The following DENND3 variants were observed in gnomAD, a reference collection of about 807,000 sequenced individuals.
DENND3 encodes the protein DENN domain-containing protein 3.
A neutral mutation model predicts 135.1 loss-of-function variants in DENND3; 88 were observed. That is an observed-to-expected ratio of 0.65 (90% CI 0.55 to 0.78). DENND3 has a LOEUF of 0.78. DENND3 is among the 30% of genes least tolerant of loss of function. The probability of loss-of-function intolerance (pLI) is 0.00; values close to 1 mark genes in which losing one functional copy is unlikely to be tolerated. For missense variants in DENND3, 1,392 were observed against 1,688.4 expected, an observed-to-expected ratio of 0.82 and a Z score of 3.08; for synonymous variants, 693 against 712.3, an observed-to-expected ratio of 0.97 and a Z score of 0.43.
rs1206401726 is a variant in DENND3, at chr8:141,191,747, G to C, written c.3380-584G>C. 4 of 152,742 alleles carry C rather than the reference G, an allele frequency of 2.6e-5. No homozygotes were observed. In the South Asian group the frequency reaches 8.2e-4, roughly 31 times the overall value. The allele number at this position is 152,742 out of a possible 1,614,324, so 9.5% of individuals were successfully genotyped here. ...CACTGTTCCGCTCACTTTCAGGGCC[G>C]GTAGCGACGTGGTTGGGTGCAAGCC... On this transcript the variant is annotated intron_variant, in intron 20 of 22. Coordinates refer to ENST00000519811, the MANE Select transcript of DENND3 (RefSeq NM_001352890.3).
At chr8:141,156,638 G>C (rs1819473974) in intron 8 of DENND3, among the ~76,000 whole-genome samples, 1 of 152,100 alleles carries the variant, frequency 6.6e-6, no homozygotes, top group Non-Finnish European at 1.5e-5. Context: ...ATTGGGCAGT[G>C]CCTGTGTACT....
At position 141,189,126 on chromosome 8, in the gene DENND3, G is replaced by C. The variant is rs199863590; in HGVS notation, c.3225G>C (p.Gln1075His). 56 of 1,614,236 alleles carry C rather than the reference G, an allele frequency of 3.5e-5. No homozygotes were observed. In the East Asian group the frequency reaches 5.6e-4, roughly 16 times the overall value. Residue 1075 changes from glutamine to histidine, a missense_variant, in exon 19 of 23, where the codon CAG becomes CAC. Coordinates refer to ENST00000519811, the MANE Select transcript of DENND3 (RefSeq NM_001352890.3). The part of the protein sequence containing the change: ...HCSSVTDLIV[Q>H]DGQEAPSNVY... ...CCAGTGTCACGGATTTGATTGTGCA[G>C]GACGGACAGGAGGCACCCAGGTGCA...
chr8:141,159,407 C>T (rs1463079962), intron 8 of DENND3, among the ~76,000 whole-genome samples: 3 of 152,364 alleles, frequency 2.0e-5, no homozygotes, highest in East Asian at 1.9e-4. Context: ...TCAAGTCCCC[C>T]GTCTGTGTCT....
At chr8:141,165,118 CAG>C in intron 10 of DENND3, 66 bp from the exon 11 acceptor site, 1 of 1,238,894 alleles carries the variant, frequency 8.1e-7, no homozygotes, top group Non-Finnish European at 1.2e-6. Context: ...CAGGAAGGCT[CAG>C]GGGCTTTGGA....
At chr8:141,164,681 G>A (rs1820546594) in intron 10 of DENND3, among the ~76,000 whole-genome samples, 1 of 152,210 alleles carries the variant, frequency 6.6e-6, no homozygotes, top group South Asian at 2.1e-4. Flanking sequence ...GGGAGACCCT[G>A]ATGCAGGCTC....
In DENND3 at chr8:141,182,074, G is replaced by C. The variant is rs891996314; in HGVS notation, c.2944+1220G>C. Among the ~76,000 whole-genome samples the C allele has an allele frequency of 1.3e-5, 2 of 152,210 alleles. No homozygotes were observed. Among genetic ancestry groups the C allele is most frequent in the African/African-American group, 4.8e-5 (2 of 41,436 alleles). On this transcript the variant is annotated intron_variant, in intron 17 of 22. Coordinates refer to ENST00000519811, the MANE Select transcript of DENND3 (RefSeq NM_001352890.3). The surrounding 1 kb of genome is among the most constrained non-coding windows in gnomAD (Gnocchi z 5.9). ...GCCTCCCGAAGCGCTGGGATTACAGGTGTGAGCCACTGCGCCAGCCCAGAA... is the reference window on the plus strand; with the variant it reads ...GCCTCCCGAAGCGCTGGGATTACAGCTGTGAGCCACTGCGCCAGCCCAGAA...
In DENND3 at chr8:141,182,874, C is replaced by T. The variant is rs1823343012; in HGVS notation, c.2944+2020C>T. On this transcript the variant is annotated intron_variant, in intron 17 of 22. Transcript: ENST00000519811. The surrounding 1 kb of genome is among the most constrained non-coding windows in gnomAD (Gnocchi z 5.9). ...CAGCTCAGGCTCTGCCCATGGGGAG[C>T]GTGCCTCTCAGAGACGGCAGTGTCT... 6.6e-6 allele frequency among the ~76,000 whole-genome samples: 1 copy of T among 152,162 alleles called. No homozygotes were observed. Among genetic ancestry groups the T allele is most frequent in the African/African-American group, 2.4e-5 (1 of 41,424 alleles).
At chr8:141,190,483 C>T (rs1452701069) in intron 20 of DENND3, 66 bp downstream of exon 20, 8 of 1,497,202 alleles carry the variant, frequency 5.3e-6, no homozygotes, top group African/African-American at 1.4e-5. Context: ...GGATGCTGAA[C>T]GAGAGCAGAA....
rs117169065 is a variant in DENND3 at position 141,181,627 on chromosome 8, C to T, written c.2944+773C>T. Among the ~76,000 whole-genome samples, 203 of 152,328 alleles carry T rather than the reference C, an allele frequency of 1.3e-3. 1 individual carries two copies. Among genetic ancestry groups the T allele is most frequent in the Middle Eastern group, 3.4e-3 (1 of 294 alleles). On this transcript the variant is annotated intron_variant, in intron 17 of 22. Coordinates refer to ENST00000519811, the MANE Select transcript of DENND3 (RefSeq NM_001352890.3). ...AGAGTCTTGGTATAAAAAAAGATGG[C>T]TGTCATGTCGCACGTTGAAACTGTG...
At chr8:141,163,206 T>C in intron 9 of DENND3, 127 bp from the exon 10 acceptor site, 1 of 551,064 alleles carries the variant, frequency 1.8e-6, no homozygotes, top group Non-Finnish European at 3.3e-6. Context: ...TAATCAAGAA[T>C]CTTTCTGAAG....
intron 9 of DENND3, among the ~76,000 whole-genome samples, chr8:141,161,185 C>T (rs1820089641): frequency 6.6e-6 from 1 of 152,220 alleles, no homozygotes; most frequent in Non-Finnish European, 1.5e-5. Flanking sequence ...CTGGCCTGTG[C>T]TGGCTCCGGG....
intron 1 of DENND3, among the ~76,000 whole-genome samples, chr8:141,134,645 A>T (rs1816558430): frequency 6.6e-6 from 1 of 152,110 alleles, no homozygotes; most frequent in Non-Finnish European, 1.5e-5. Context: ...TGTTGACCGA[A>T]TTTGAGTGAT....
Position 141,167,155 on chromosome 8 carries a change from T to G in DENND3, c.1753+766T>G, listed in dbSNP as rs906441651. The stretch of plus-strand genomic sequence containing the variant: ...GACAGACCACGTTGTCTTTATCGGC[T>G]GAGCGCTGGAGCTCAGAGCGAACAT... On this transcript the variant is annotated intron_variant, in intron 12 of 22. Coordinates refer to ENST00000519811, the MANE Select transcript of DENND3 (RefSeq NM_001352890.3). This position sits in a 1 kb window ranked among gnomAD's most constrained non-coding sequence, Gnocchi z 4.1. 6.6e-6 allele frequency among the ~76,000 whole-genome samples: 1 copy of G among 152,192 alleles called. No individual in the cohort carries two copies. Among genetic ancestry groups the G allele is most frequent in the African/African-American group, 2.4e-5 (1 of 41,444 alleles).
chr8:141,166,420 T>C lies in DENND3; in HGVS notation c.1753+31T>C. ...GGCTGCCCCCCACTGTGGTGCTGTG[T>C]GTCGGTCCCACCATTCCTGCACCTG... On this transcript the variant is annotated intron_variant, in intron 12 of 22. Transcript: ENST00000519811. This position sits in a 1 kb window ranked among gnomAD's most constrained non-coding sequence, Gnocchi z 4.3. 1.3e-6 allele frequency: 2 copies of C among 1,589,740 alleles called. No individual in the cohort carries two copies. The highest frequency in any genetic ancestry group is 1.7e-6 in the Non-Finnish European group (2 of 1,169,618).
chr8:141,151,179 C>T lies in DENND3; in HGVS notation c.855+226C>T, dbSNP rs143931147. Among the ~76,000 whole-genome samples, 51 of 152,324 alleles carry T rather than the reference C, an allele frequency of 3.3e-4. 1 individual carries two copies. The East Asian group carries it at 8.9e-3, about 26-fold the overall frequency. On this transcript the variant is annotated intron_variant, in intron 6 of 22. Transcript: ENST00000519811. ...GGTGGCTTTTGTTTGGCAGATGGAG[C>T]TGAGGGACCAGGGAAGAGCCCGCAG...
At chr8:141,132,508 C>T (rs532876942) in intron 1 of DENND3, among the ~76,000 whole-genome samples, 8 of 152,156 alleles carry the variant, frequency 5.3e-5, no homozygotes, top group South Asian at 4.1e-4. Flanking sequence ...CAGGCATGTA[C>T]GACTATGCCT....
chr8:141,173,589 C>T (rs1821933515), intron 13 of DENND3: 1 of 152,240 alleles, frequency 6.6e-6, no homozygotes, highest in African/African-American at 2.4e-5. Context: ...GTCCTGGACT[C>T]AACTGTGGCC....
chr8:141,130,984 C>T lies in DENND3; in HGVS notation c.102+2175C>T, dbSNP rs762412502. ...ATAGGTGTGAGCCACCGCACCTGGCCGCTTTTAAATAATTTTTACCTTGAC... is the reference window on the plus strand; with the variant it reads ...ATAGGTGTGAGCCACCGCACCTGGCTGCTTTTAAATAATTTTTACCTTGAC... On this transcript the variant is annotated intron_variant, in intron 1 of 22. Coordinates refer to ENST00000519811, the MANE Select transcript of DENND3 (RefSeq NM_001352890.3). This position sits in a 1 kb window ranked among gnomAD's most constrained non-coding sequence, Gnocchi z 4.2. Among the ~76,000 whole-genome samples the T allele has an allele frequency of 3.1e-4, 47 of 152,184 alleles. No individual in the cohort carries two copies. Among genetic ancestry groups the T allele is most frequent in the South Asian group, 8.3e-4 (4 of 4,816 alleles).
At chr8:141,132,927 C>T (rs1383345995) in intron 1 of DENND3, among the ~76,000 whole-genome samples, 1 of 152,184 alleles carries the variant, frequency 6.6e-6, no homozygotes, top group Non-Finnish European at 1.5e-5. Context: ...AACGATATCG[C>T]CTCAGTCATC....
Sources: gnomAD v4.1 joint callset for allele counts (sites outside exome capture counted in the v4.1 genomes callset) on GRCh38, gnomAD v4.1.1 for gene constraint, Gnocchi (gnomAD v3.1) non-coding constraint, MANE v1.5 for transcripts, NCBI Gene and HGNC (gene_info 2026-07-23, HGNC 2026-07-21) for gene names.